The following FEM1C variants were observed in gnomAD, a reference collection of about 807,000 sequenced individuals.
FEM1C encodes the protein protein fem-1 homolog C.
FEM1C carries 15 observed loss-of-function variants against 37.6 expected under a neutral mutation model. The ratio of observed to expected loss-of-function variants is 0.40; its 90% CI spans 0.27 to 0.61. The LOEUF (loss-of-function observed/expected upper bound fraction) is 0.61. FEM1C is among the 20% of genes least tolerant of loss of function. The pLI is 0.42. For synonymous variants in FEM1C, 287 were observed against 272.8 expected, an observed-to-expected ratio of 1.05 and a Z score of -0.51; for missense variants, 532 against 749.7, an observed-to-expected ratio of 0.71 and a Z score of 3.39.
In FEM1C at chr5:115,524,764, C is replaced by T; in HGVS notation, c.1398G>A (p.Lys466=). The T allele has an allele frequency of 6.4e-7, 1 of 1,561,448 alleles. No homozygotes were observed. Among genetic ancestry groups the T allele is most frequent in the Non-Finnish European group, 8.6e-7 (1 of 1,157,696 alleles). ...PCTLEQDHFK[K]QTIYRFLKLH... ...GCTTAAGAAACCTGTATATAGTCTGCTTTTTGAAATGGTCTTGTTCTAGAG... is the reference window on the plus strand; with the variant it reads ...GCTTAAGAAACCTGTATATAGTCTGTTTTTTGAAATGGTCTTGTTCTAGAG... The change falls in exon 3 of 3, where the codon AAG becomes AAA. Residue 466 remains lysine, a synonymous_variant. Coordinates refer to ENST00000274457, the MANE Select transcript of FEM1C (RefSeq NM_020177.3).
rs1350804616 is a variant in FEM1C, at chr5:115,543,619, T to C, written c.-126A>G. 1 of 1,453,382 alleles carries C rather than the reference T, an allele frequency of 6.9e-7. No individual in the cohort carries two copies. Among genetic ancestry groups the C allele is most frequent in the East Asian group, 2.4e-5 (1 of 42,174 alleles). The allele number at this position is 1,453,382 out of a possible 1,614,324, so 90.0% of individuals were successfully genotyped here. A position where few individuals can be genotyped will look rare whatever the true frequency, so the allele number is the denominator to read the frequency against. ...GTTAATTGCTGCACCCCAGAACGGA[T>C]ACACAACCACGAAGAGTATGTTCCG... On this transcript the variant is annotated 5_prime_UTR_variant, in exon 2 of 3. Transcript: ENST00000274457.
intron 2 of FEM1C, among the ~76,000 whole-genome samples, chr5:115,528,542 G>A (rs544201964): frequency 2.6e-5 from 4 of 152,132 alleles, no homozygotes; most frequent in African/African-American, 9.6e-5. Flanking sequence ...AACTTAAATC[G>A]AATTTAAGAT....
At chr5:115,530,465 C>G (rs555193840) in intron 2 of FEM1C, among the ~76,000 whole-genome samples, 128 of 152,206 alleles carry the variant, frequency 8.4e-4, no homozygotes, top group Non-Finnish European at 1.6e-3. Context: ...ATATCTTTCT[C>G]AGTTTAGAAG....
intron 2 of FEM1C, among the ~76,000 whole-genome samples, chr5:115,541,593 T>A (rs1364452832): frequency 6.6e-6 from 1 of 152,148 alleles, no homozygotes; most frequent in Non-Finnish European, 1.5e-5. Flanking sequence ...AAAGACACAT[T>A]TTTGTTCAAG....
Position 115,544,714 on chromosome 5 carries a change from G to GC in FEM1C, c.-383dup, listed in dbSNP as rs1237792499. ...TTCGCCACGCCCCGCCACCCGAGCT[G>GC]CCTCCCGCCCTTAGTCGGCTCGGAC... On this transcript the variant is annotated 5_prime_UTR_variant, in exon 1 of 3. Coordinates refer to ENST00000274457, the MANE Select transcript of FEM1C (RefSeq NM_020177.3). 6.5e-6 allele frequency: 1 copy of GC among 153,242 alleles called. No individual in the cohort carries two copies. Among genetic ancestry groups the GC allele is most frequent in the East Asian group, 1.9e-4 (1 of 5,242 alleles). The allele number at this position is 153,242 out of a possible 1,614,324, so 9.5% of individuals were successfully genotyped here.
intron 2 of FEM1C, among the ~76,000 whole-genome samples, chr5:115,538,183 CTGTG>C (rs1267321462): frequency 6.6e-6 from 1 of 151,948 alleles, no homozygotes; most frequent in Non-Finnish European, 1.5e-5. Context: ...TGTATTCTCT[CTGTG>C]TAAGTTAGAA....
intron 2 of FEM1C, among the ~76,000 whole-genome samples, chr5:115,536,288 T>C (rs968166594): frequency 1.3e-5 from 2 of 152,020 alleles, no homozygotes; most frequent in Admixed American, 6.6e-5. Flanking sequence ...AAAGTATAAG[T>C]GTTGACTGAT....
chr5:115,535,490 T>A (rs1050349383), intron 2 of FEM1C, among the ~76,000 whole-genome samples: 2 of 151,672 alleles, frequency 1.3e-5, no homozygotes, highest in Admixed American at 1.3e-4. Flanking sequence ...ATTAAGTACA[T>A]GAAAAAATGC....
intron 2 of FEM1C, among the ~76,000 whole-genome samples, chr5:115,540,737 A>G (rs1319263463): frequency 6.6e-6 from 1 of 152,124 alleles, no homozygotes; most frequent in African/African-American, 2.4e-5. Flanking sequence ...TGGAAAATAT[A>G]ACGGAAGTAA....
intron 2 of FEM1C, among the ~76,000 whole-genome samples, chr5:115,533,231 T>C (rs1754054069): frequency 1.3e-5 from 2 of 152,070 alleles, no homozygotes; most frequent in African/African-American, 4.8e-5. Flanking sequence ...CCTTGGTAAA[T>C]AGAATATTTT....
chr5:115,530,665 G>A (rs1237358062), intron 2 of FEM1C, among the ~76,000 whole-genome samples: 1 of 152,132 alleles, frequency 6.6e-6, no homozygotes, highest in African/African-American at 2.4e-5. Context: ...TGAAGTCACT[G>A]AGTATGTTCT....
In FEM1C at chr5:115,525,205, T is replaced by G; in HGVS notation, c.957A>C (p.Arg319Ser). The stretch of plus-strand genomic sequence containing the variant: ...GTTCTCTGATTAATAGTGCCTGCAT[T>G]CTCATCTCATCAGGATCAGCAATAA... ...EGLIADPDEMRMQALLIRERI... is the reference protein window; with the variant it reads ...EGLIADPDEMSMQALLIRERI... The change falls in exon 3 of 3, where the codon AGA becomes AGC. Residue 319 changes from arginine to serine, a missense_variant. Physicochemically the swap from Arg to Ser is moderately radical, Grantham distance 110. This residue lies in a region of FEM1C where 221 missense variants were observed against 404.1 expected (regional missense o/e 0.55). Transcript: ENST00000274457. The G allele has an allele frequency of 6.2e-7, 1 of 1,613,512 alleles. No homozygotes were observed. Among genetic ancestry groups the G allele is most frequent in the Middle Eastern group, 1.7e-4 (1 of 6,058 alleles).
In FEM1C at chr5:115,525,451, T is replaced by C; in HGVS notation, c.711A>G (p.Ala237=). The change falls in exon 3 of 3, where the codon GCA becomes GCG. Residue 237 remains alanine (A), a synonymous_variant. Coordinates refer to ENST00000274457, the MANE Select transcript of FEM1C (RefSeq NM_020177.3). ...TNIVDFLTHH[A]QTSKTERINA... The stretch of plus-strand genomic sequence containing the variant: ...TAATACGTTCTGTCTTGCTGGTCTG[T>C]GCATGGTGTGTCAGAAAATCCACAA... The C allele has an allele frequency of 3.7e-6, 6 of 1,613,732 alleles. No individual in the cohort carries two copies. The highest frequency in any genetic ancestry group is 5.1e-6 in the Non-Finnish European group (6 of 1,179,788).
At position 115,544,729 on chromosome 5, in the gene FEM1C, T is replaced by C. The variant is rs1754322039; in HGVS notation, c.-397A>G. The C allele has an allele frequency of 6.5e-6, 1 of 153,108 alleles. No homozygotes were observed. Among genetic ancestry groups the C allele is most frequent in the African/African-American group, 2.4e-5 (1 of 41,466 alleles). The allele number at this position is 153,108 out of a possible 1,614,324, so 9.5% of individuals were successfully genotyped here. A position where few individuals can be genotyped will look rare whatever the true frequency, so the allele number is the denominator to read the frequency against. On this transcript the variant is annotated 5_prime_UTR_variant, in exon 1 of 3. Transcript: ENST00000274457. ...CACCCGAGCTGCCTCCCGCCCTTAG[T>C]CGGCTCGGACTGCAGCGGCTGCAGC... is the stretch of plus-strand genomic sequence containing the variant.
chr5:115,522,009 T>G lies in FEM1C; in HGVS notation c.*2299A>C, dbSNP rs1307957939. The G allele has an allele frequency of 6.6e-6, 1 of 151,872 alleles. No individual in the cohort carries two copies. The highest frequency in any genetic ancestry group is 1.5e-5 in the Non-Finnish European group (1 of 67,814). The allele number at this position is 151,872 out of a possible 1,614,324, so 9.4% of individuals were successfully genotyped here. ...TGAGTTCTAAGTTATCTATTTTTAC[T>G]GGTGCAAAAATGCTATTTAAAGAAA... On this transcript the variant is annotated 3_prime_UTR_variant, in exon 3 of 3. Transcript: ENST00000274457.
At chr5:115,526,827 T>C (rs1753905013) in intron 2 of FEM1C, among the ~76,000 whole-genome samples, 2 of 152,116 alleles carry the variant, frequency 1.3e-5, no homozygotes, top group African/African-American at 4.8e-5. Flanking sequence ...TTTCCCTAAA[T>C]GATAAGGGTA....
chr5:115,540,133 T>G lies in FEM1C; in HGVS notation c.544+2817A>C, dbSNP rs17137963. Among the ~76,000 whole-genome samples, 682 of 152,190 alleles carry G rather than the reference T, an allele frequency of 4.5e-3. 9 individuals carry two copies. The highest frequency in any genetic ancestry group is 0.015 in the African/African-American group (636 of 41,554). ...AAAAAAGTGGGGAAAAATCCTCTCT[T>G]GCTGCTAAATCACATCCTTCTCCAG... On this transcript the variant is annotated intron_variant, in intron 2 of 2. Coordinates refer to ENST00000274457, the MANE Select transcript of FEM1C (RefSeq NM_020177.3).
At position 115,521,185 on chromosome 5, in the gene FEM1C, T is replaced by C. The variant is rs1753766281; in HGVS notation, c.*3123A>G. On this transcript the variant is annotated 3_prime_UTR_variant, in exon 3 of 3. Coordinates refer to ENST00000274457, the MANE Select transcript of FEM1C (RefSeq NM_020177.3). ...TTAAAGTTCTAGGCAATAATGCTGC[T>C]GTTACAGTGTAAAAGAGTATGTCAT... 6.6e-6 allele frequency: 1 copy of C among 151,752 alleles called. No individual in the cohort carries two copies. The highest frequency in any genetic ancestry group is 2.4e-5 in the African/African-American group (1 of 41,414). 9.4% of individuals were successfully genotyped at this position (151,752 alleles called of 1,614,324 possible).
intron 2 of FEM1C, among the ~76,000 whole-genome samples, chr5:115,538,653 T>A (rs1162957927): frequency 6.6e-6 from 1 of 151,994 alleles, no homozygotes; most frequent in African/African-American, 2.4e-5. Context: ...GTTAGTCCCC[T>A]GCTGAAAAAC....
Sources: gnomAD v4.1 joint callset for allele counts (sites outside exome capture counted in the v4.1 genomes callset) on GRCh38, gnomAD v4.1.1 for gene constraint, gnomAD v4.1.1 regional missense constraint, MANE v1.5 for transcripts, NCBI Gene and HGNC (gene_info 2026-07-23, HGNC 2026-07-21) for gene names.